NCAM2: variants seen among roughly 807,000 people sequenced by gnomAD.
NCAM2 encodes N-CAM-2.
Under a neutral mutation model 98.1 loss-of-function variants are expected in NCAM2, and 30 were observed. The ratio of observed to expected loss-of-function variants is 0.31; its 90% CI spans 0.23 to 0.41. The LOEUF is 0.41. NCAM2 is among the 10% of genes least tolerant of loss of function. The pLI is 1.00. For missense variants in NCAM2, 867 were observed against 1,005.8 expected, an observed-to-expected ratio of 0.86 and a Z score of 1.87; for synonymous variants, 368 against 342.4, an observed-to-expected ratio of 1.07 and a Z score of -0.83.
chr21:21,222,410 A>G (rs543557373), intron 1 of NCAM2, among the ~76,000 whole-genome samples: 2 of 152,314 alleles, frequency 1.3e-5, no homozygotes, highest in Admixed American at 6.5e-5. Context: ...CTTTCTGGAA[A>G]GGATTTACCA....
At chr21:21,413,545 A>G (rs910023315) in intron 10 of NCAM2, among the ~76,000 whole-genome samples, 1 of 152,208 alleles carries the variant, frequency 6.6e-6, no homozygotes, top group Non-Finnish European at 1.5e-5. Flanking sequence ...GAGCACCTCA[A>G]TAAAGTAAAT....
intron 5 of NCAM2, among the ~76,000 whole-genome samples, chr21:21,318,241 T>G (rs544676355): frequency 6.6e-6 from 1 of 152,308 alleles, no homozygotes. Context: ...GTGGTGAAAT[T>G]AACTTTCAAG....
chr21:21,323,095 G>T (rs887909588), intron 5 of NCAM2, among the ~76,000 whole-genome samples: 23 of 152,068 alleles, frequency 1.5e-4, no homozygotes, highest in South Asian at 2.1e-4. Context: ...GAGTAATACT[G>T]CTCTTGCAAC....
At chr21:21,138,755 G>C (rs1323435027) in intron 1 of NCAM2, among the ~76,000 whole-genome samples, 4 of 152,010 alleles carry the variant, frequency 2.6e-5, no homozygotes, top group Admixed American at 2.6e-4. Context: ...GAGTTTTATA[G>C]CTAAACATTC....
At chr21:21,248,207 G>C (rs886266167) in intron 1 of NCAM2, among the ~76,000 whole-genome samples, 6 of 151,780 alleles carry the variant, frequency 4.0e-5, no homozygotes, top group African/African-American at 1.5e-4. Context: ...CAATTGACTT[G>C]TTTGTATGCT....
At chr21:21,227,389 TTGTAAA>T (rs1191309722) in intron 1 of NCAM2, among the ~76,000 whole-genome samples, 1 of 151,574 alleles carries the variant, frequency 6.6e-6, no homozygotes, top group East Asian at 1.9e-4. Context: ...CTTTTTAGAG[TTGTAAA>T]TATAAGTCAT....
At chr21:21,280,678 G>A in intron 2 of NCAM2, 26 bp downstream of exon 2, 1 of 1,401,186 alleles carries the variant, frequency 7.1e-7, no homozygotes, top group Non-Finnish European at 9.7e-7. Flanking sequence ...AATACCTTCA[G>A]ATAACGTGGT....
At chr21:21,304,758 A>G (rs2073829280) in intron 5 of NCAM2, among the ~76,000 whole-genome samples, 1 of 152,150 alleles carries the variant, frequency 6.6e-6, no homozygotes, top group Admixed American at 6.5e-5. Flanking sequence ...CTTCTGTTCC[A>G]GAAACAGAAA....
At chr21:21,251,825 A>G (rs868542355) in intron 1 of NCAM2, among the ~76,000 whole-genome samples, 3 of 151,524 alleles carry the variant, frequency 2.0e-5, no homozygotes, top group Non-Finnish European at 4.4e-5. Context: ...GTAGATTGCA[A>G]AAATGTTCTC....
intron 1 of NCAM2, among the ~76,000 whole-genome samples, chr21:21,221,805 G>T (rs563958183): frequency 2.0e-5 from 3 of 152,260 alleles, no homozygotes; most frequent in Admixed American, 2.0e-4. Context: ...GATGAAGATG[G>T]CTACAGTAAA....
At position 21,227,005 on chromosome 21, in the gene NCAM2, C is replaced by A. The variant is rs537792985; in HGVS notation, c.56-53573C>A. 5.3e-5 allele frequency among the ~76,000 whole-genome samples: 8 copies of A among 152,016 alleles called. No individual in the cohort carries two copies. In the South Asian group the frequency reaches 1.7e-3, roughly 32 times the overall value. On this transcript the variant is annotated intron_variant, in intron 1 of 17. Coordinates refer to ENST00000400546, the MANE Select transcript of NCAM2 (RefSeq NM_004540.5). ...TAGCAAGTTGGTAATAATATATAAT[C>A]TTACTCTGATAAAGTCTATGAACAA...
intron 13 of NCAM2, among the ~76,000 whole-genome samples, chr21:21,468,418 C>A (rs568942711): frequency 1.1e-3 from 161 of 152,000 alleles, no homozygotes; most frequent in African/African-American, 3.7e-3. Flanking sequence ...ATTTGCATAT[C>A]AGTGAAAATA....
intron 1 of NCAM2, among the ~76,000 whole-genome samples, chr21:21,188,719 C>G (rs1484182505): frequency 6.6e-6 from 1 of 152,076 alleles, no homozygotes; most frequent in East Asian, 1.9e-4. Flanking sequence ...CAGTGAATTG[C>G]AGGGAAGGAT....
chr21:21,357,249 T>C (rs2147973497), intron 8 of NCAM2, among the ~76,000 whole-genome samples: 1 of 152,266 alleles, frequency 6.6e-6, no homozygotes, highest in East Asian at 1.9e-4. Context: ...TGCCTCACAG[T>C]CCTCTTTTTC....
At chr21:21,094,381 C>T (rs2066074460) in intron 1 of NCAM2, among the ~76,000 whole-genome samples, 1 of 151,588 alleles carries the variant, frequency 6.6e-6, no homozygotes, top group African/African-American at 2.4e-5. Context: ...AATAGTATGC[C>T]CTAAAACATC....
Position 21,023,658 on chromosome 21 carries a change from A to G in NCAM2, c.55+25040A>G, listed in dbSNP as rs548309464. 2.0e-5 allele frequency among the ~76,000 whole-genome samples: 3 copies of G among 152,250 alleles called. No individual in the cohort carries two copies. The South Asian group carries it at 6.2e-4, about 32-fold the overall frequency. On this transcript the variant is annotated intron_variant, in intron 1 of 17. Coordinates refer to ENST00000400546, the MANE Select transcript of NCAM2 (RefSeq NM_004540.5). ...AAAGATCCAAAACCTTTTTAATAGT[A>G]TTATTTTAAATTAGCCATGGAAACA...
At chr21:21,103,239 T>C (rs951084126) in intron 1 of NCAM2, among the ~76,000 whole-genome samples, 7 of 136 alleles carry the variant, frequency 0.051, no homozygotes, top group Non-Finnish European at 0.083. Flanking sequence ...TTTAATAGTA[T>C]TTAGGTTAGT....
At chr21:21,026,716 G>C (rs544938281) in intron 1 of NCAM2, among the ~76,000 whole-genome samples, 1 of 151,950 alleles carries the variant, frequency 6.6e-6, no homozygotes, top group South Asian at 2.1e-4. Context: ...AACATAACCT[G>C]TAGTGATGTA....
At chr21:21,394,469 CTTTTTTTTTTTTTTTTTTTTTTT>C (rs532068473) in intron 9 of NCAM2, among the ~76,000 whole-genome samples, 16 of 57,672 alleles carry the variant, frequency 2.8e-4, no homozygotes, top group Middle Eastern at 0.029. Flanking sequence ...AAGGGGCCAG[CTTTTTTTTTTTTTTTTTTTTTTT>C]TTTTTTTTTT....
Sources: gnomAD v4.1 joint callset for allele counts (sites outside exome capture counted in the v4.1 genomes callset) on GRCh38, gnomAD v4.1.1 for gene constraint, MANE v1.5 for transcripts, NCBI Gene and HGNC (gene_info 2026-07-23, HGNC 2026-07-21) for gene names.